Variants in PCGF6 observed in about 807,000 individuals in gnomAD.
PCGF6 encodes polycomb group ring finger 6, also known as polycomb group RING finger protein 6.
In PCGF6, 24 loss-of-function variants were observed where a neutral mutation model predicts 45.5. That is an observed-to-expected ratio of 0.53 (90% confidence interval 0.38 to 0.74). The LOEUF (loss-of-function observed/expected upper bound fraction) is 0.74. Among genes scored for constraint, PCGF6 ranks in the 30% least tolerant of loss-of-function variants. PCGF6 has a pLI of 0.00. For synonymous variants in PCGF6, 152 were observed against 162.1 expected (o/e 0.94, Z 0.47); for missense variants, 356 against 443.2 (o/e 0.80, Z 1.77).
intron 7 of PCGF6, among the ~76,000 whole-genome samples, chr10:103,330,163 C>T (rs1222236563): frequency 6.6e-6 from 1 of 152,006 alleles, no homozygotes; most frequent in African/African-American, 2.4e-5. Context: ...CAGCCTCTGC[C>T]TCCCGGGTTC....
rs1190148274 is a variant in PCGF6, at chr10:103,344,131, A to G, written c.782+893T>C. On this transcript the variant is annotated intron_variant, in intron 6 of 9. Transcript: ENST00000369847. ...GGTGAAAATGAATGAACTAGGCTATATATTTCAACAGGGATGAATCACACA... is the reference window on the plus strand; with the variant it reads ...GGTGAAAATGAATGAACTAGGCTATGTATTTCAACAGGGATGAATCACACA... Among the ~76,000 whole-genome samples, 4 of 152,250 alleles carry G rather than the reference A, an allele frequency of 2.6e-5. No homozygotes were observed. The East Asian group carries it at 7.7e-4, about 29-fold the overall frequency.
intron 6 of PCGF6, among the ~76,000 whole-genome samples, chr10:103,337,067 G>T (rs2093259861): frequency 6.6e-6 from 1 of 151,910 alleles, no homozygotes; most frequent in Non-Finnish European, 1.5e-5. Flanking sequence ...AAATATTTTT[G>T]TTCCTTCTGC....
chr10:103,318,217 C>A (rs1345486212), intron 8 of PCGF6, among the ~76,000 whole-genome samples: 2 of 150,724 alleles, frequency 1.3e-5, no homozygotes, highest in African/African-American at 4.9e-5. Flanking sequence ...CCGAGACGGG[C>A]AGATCACCTG....
chr10:103,340,194 A>ATATATATATATATATATATATATAT (rs1313278844), intron 6 of PCGF6, among the ~76,000 whole-genome samples: 1 of 106,570 alleles, frequency 9.4e-6, no homozygotes, highest in African/African-American at 4.0e-5. Context: ...AAAAAAAAAA[A>ATATATATATATATATATATATATAT]AAAAATATAT....
intron 8 of PCGF6, among the ~76,000 whole-genome samples, chr10:103,324,699 G>T (rs1278742117): frequency 1.1e-4 from 16 of 147,360 alleles, no homozygotes; most frequent in Non-Finnish European, 1.8e-4. Flanking sequence ...GGCGGAGGTT[G>T]CAGTGAGCCG....
chr10:103,307,805 A>C (rs1383326517), intron 9 of PCGF6, among the ~76,000 whole-genome samples: 2 of 152,208 alleles, frequency 1.3e-5, no homozygotes, highest in Admixed American at 1.3e-4. Context: ...CACAATCATT[A>C]AATTGCCTAA....
intron 6 of PCGF6, among the ~76,000 whole-genome samples, chr10:103,342,214 G>A (rs1453745438): frequency 4.7e-5 from 7 of 150,334 alleles, no homozygotes; most frequent in African/African-American, 1.7e-4. Context: ...GGGATTAAGA[G>A]TGAGCCACTG....
chr10:103,311,518 T>C (rs1252304115), intron 9 of PCGF6, among the ~76,000 whole-genome samples: 3 of 148,046 alleles, frequency 2.0e-5, no homozygotes, highest in African/African-American at 5.0e-5. Context: ...TCATGGGTCA[T>C]TGCAGCTGCG....
At chr10:103,306,743 T>C (rs1331250120) in intron 9 of PCGF6, among the ~76,000 whole-genome samples, 1 of 152,186 alleles carries the variant, frequency 6.6e-6, no homozygotes, top group Non-Finnish European at 1.5e-5. Flanking sequence ...AAGTTAGGTA[T>C]GTGAAGTCAA....
chr10:103,338,425 G>C (rs1285525330), intron 6 of PCGF6, among the ~76,000 whole-genome samples: 1 of 149,498 alleles, frequency 6.7e-6, no homozygotes, highest in East Asian at 2.0e-4. Flanking sequence ...GGCACCTGTA[G>C]TCCCATCTAC....
intron 8 of PCGF6, among the ~76,000 whole-genome samples, chr10:103,323,940 T>G (rs560969530): frequency 1.3e-5 from 2 of 151,428 alleles, no homozygotes; most frequent in Admixed American, 6.6e-5. Flanking sequence ...TTTTATTATT[T>G]TATTTTACTA....
chr10:103,348,180 G>C (rs559033943), intron 3 of PCGF6, among the ~76,000 whole-genome samples: 2 of 152,160 alleles, frequency 1.3e-5, no homozygotes, highest in Non-Finnish European at 2.9e-5. Context: ...TCATTAACCT[G>C]AGTAAGTGAT....
Position 103,303,817 on chromosome 10 carries a change from T to G in PCGF6, c.*88A>C, listed in dbSNP as rs981836819. On this transcript the variant is annotated 3_prime_UTR_variant, in exon 10 of 10. Transcript: ENST00000369847. ...AGTTATGTCTTGAACAGCAAAGTGGTAGCAATTACATTTCATGGAAATCTT... is the reference window on the plus strand; with the variant it reads ...AGTTATGTCTTGAACAGCAAAGTGGGAGCAATTACATTTCATGGAAATCTT... 6.0e-5 allele frequency: 70 copies of G among 1,160,778 alleles called. No individual in the cohort carries two copies. The highest frequency in any genetic ancestry group is 2.6e-4 in the Middle Eastern group (1 of 3,878). The allele number at this position is 1,160,778 out of a possible 1,614,324, so 71.9% of individuals were successfully genotyped here.
At chr10:103,318,604 G>A (rs900812476) in intron 8 of PCGF6, among the ~76,000 whole-genome samples, 1 of 151,854 alleles carries the variant, frequency 6.6e-6, no homozygotes, top group African/African-American at 2.4e-5. Context: ...AATTAGCCGG[G>A]CATGGTGGCG....
chr10:103,319,496 C>T (rs959429406), intron 8 of PCGF6, among the ~76,000 whole-genome samples: 3 of 152,020 alleles, frequency 2.0e-5, no homozygotes, highest in Non-Finnish European at 4.4e-5. Flanking sequence ...CTGTGTCTGG[C>T]AAATTCCTAT....
At chr10:103,344,270 A>T (rs1318387161) in intron 6 of PCGF6, among the ~76,000 whole-genome samples, 1 of 151,056 alleles carries the variant, frequency 6.6e-6, no homozygotes, top group East Asian at 1.9e-4. Context: ...GGAATGACAA[A>T]CACTTTTTTT....
intron 9 of PCGF6, among the ~76,000 whole-genome samples, chr10:103,304,246 C>T (rs1480486873): frequency 6.6e-6 from 1 of 151,812 alleles, no homozygotes; most frequent in African/African-American, 2.4e-5. Flanking sequence ...AAGCAATTCT[C>T]CTGCTTCAGC....
chr10:103,323,930 T>C (rs921337366), intron 8 of PCGF6, among the ~76,000 whole-genome samples: 1 of 151,380 alleles, frequency 6.6e-6, no homozygotes, highest in Non-Finnish European at 1.5e-5. Flanking sequence ...CAATACAGTA[T>C]TTTATTATTT....
chr10:103,350,714 T>G lies in PCGF6; in HGVS notation c.353A>C (p.Glu118Ala), dbSNP rs754834358. Residue 118 changes from glutamate (E) to alanine (A), a missense_variant, in exon 1 of 10, where the codon GAG (glutamate) becomes GCG (alanine). By Grantham distance (107) the Glu-to-Ala change is moderately radical (BLOSUM62 -1). Coordinates refer to ENST00000369847, the MANE Select transcript of PCGF6 (RefSeq NM_001011663.2). ...LEGGRQDSED[E>A]EERLINLSEL... ...CGCGGGGGCTCTAAATACCTCCTCC[T>G]CGTCCTCCGAGTCCTGCCGGCCTCC... is the stretch of plus-strand genomic sequence containing the variant. The G allele has an allele frequency of 2.0e-6, 3 of 1,527,530 alleles. No homozygotes were observed. Among genetic ancestry groups the G allele is most frequent in the Admixed American group, 2.0e-5 (1 of 49,974 alleles). The allele number at this position is 1,527,530 out of a possible 1,614,324, so 94.6% of individuals were successfully genotyped here.
Sources: gnomAD v4.1 joint callset for allele counts (sites outside exome capture counted in the v4.1 genomes callset) on GRCh38, gnomAD v4.1.1 for gene constraint, MANE v1.5 for transcripts, NCBI Gene and HGNC (gene_info 2026-07-23, HGNC 2026-07-21) for gene names.